The following RFX3 variants were observed in gnomAD, a reference collection of about 807,000 sequenced individuals.
RFX3 encodes transcription factor RFX3.
RFX3 carries 14 observed loss-of-function variants against 98.6 expected under a neutral mutation model. The observed-to-expected ratio is 0.14, with a 90% CI of 0.09 to 0.22. The LOEUF (loss-of-function observed/expected upper bound fraction) is 0.22. Among genes scored for constraint, RFX3 ranks in the 10% least tolerant of loss-of-function variants. The pLI, the probability that RFX3 is intolerant of heterozygous loss-of-function variation, is 1.00. For missense variants in RFX3, 639 were observed against 926.9 expected, an observed-to-expected ratio of 0.69 and a Z score of 4.03; for synonymous variants, 383 against 328.4, an observed-to-expected ratio of 1.17 and a Z score of -1.80.
intron 12 of RFX3, among the ~76,000 whole-genome samples, chr9:3,265,810 G>C (rs372356615): frequency 1.1e-3 from 172 of 152,142 alleles, no homozygotes; most frequent in Middle Eastern, 0.01. Context: ...GATAAGTATA[G>C]CAGGAAATTT....
At chr9:3,495,493 T>G (rs923740443) in intron 1 of RFX3, among the ~76,000 whole-genome samples, 4 of 152,110 alleles carry the variant, frequency 2.6e-5, no homozygotes, top group African/African-American at 9.7e-5. Context: ...AGTATTTAAT[T>G]CTTTAAAATG....
Position 3,221,927 on chromosome 9 carries a change from G to C in RFX3, c.*3115C>G, listed in dbSNP as rs114311303. 320 of 152,176 alleles carry C rather than the reference G, an allele frequency of 2.1e-3. 1 individual carries two copies. Among genetic ancestry groups the C allele is most frequent in the African/African-American group, 7.2e-3 (301 of 41,532 alleles). The allele number at this position is 152,176 out of a possible 1,614,324, so 9.4% of individuals were successfully genotyped here. On this transcript the variant is annotated 3_prime_UTR_variant, in exon 17 of 17. Coordinates refer to ENST00000617270, the MANE Select transcript of RFX3 (RefSeq NM_001282116.2). ...TCATGACTAGTGATTGGTTATAATT[G>C]CAAGAAATACAAAGAAGTCTTAAAA...
chr9:3,264,657 GA>G (rs1823379701), intron 12 of RFX3, among the ~76,000 whole-genome samples: 1 of 152,176 alleles, frequency 6.6e-6, no homozygotes, highest in Non-Finnish European at 1.5e-5. Context: ...AGGCTGCAAA[GA>G]AACTTCATTA....
chr9:3,379,921 T>C lies in RFX3; in HGVS notation c.117+15551A>G, dbSNP rs1030479124. On this transcript the variant is annotated intron_variant, in intron 2 of 16. Transcript: ENST00000617270. ...ATTTATTTATTTATTTATTTATTTA[T>C]TTACTTTAATTTTTTTTATTTTTGA... 6.4e-4 allele frequency among the ~76,000 whole-genome samples: 80 copies of C among 125,946 alleles called. 1 individual carries two copies. The highest frequency in any genetic ancestry group is 2.9e-3 in the Admixed American group (35 of 12,184). The allele number at this position is 125,946 out of a possible 152,430, so 82.6% of individuals were successfully genotyped here.
At chr9:3,237,789 G>C (rs892953822) in intron 15 of RFX3, among the ~76,000 whole-genome samples, 68 of 152,290 alleles carry the variant, frequency 4.5e-4, no homozygotes, top group African/African-American at 1.6e-3. Context: ...GGGAAATATA[G>C]AATTTAAATA....
intron 3 of RFX3, among the ~76,000 whole-genome samples, chr9:3,337,239 C>T (rs1397055994): frequency 6.6e-6 from 1 of 152,032 alleles, no homozygotes; most frequent in African/African-American, 2.4e-5. Context: ...GAAATAGATA[C>T]AATAATAAGA....
chr9:3,358,987 T>G (rs979965548), intron 2 of RFX3, among the ~76,000 whole-genome samples: 4 of 151,338 alleles, frequency 2.6e-5, no homozygotes, highest in Non-Finnish European at 2.9e-5. Flanking sequence ...CCTTGACACA[T>G]GGGGATTATT....
chr9:3,449,143 G>C, intron 1 of RFX3, among the ~76,000 whole-genome samples: 1 of 152,068 alleles, frequency 6.6e-6, no homozygotes, highest in Admixed American at 6.6e-5. Context: ...TCAAAGAATA[G>C]AGGTAAGAAT....
intron 1 of RFX3, among the ~76,000 whole-genome samples, chr9:3,491,666 T>C (rs1396031202): frequency 6.6e-6 from 1 of 152,206 alleles, no homozygotes; most frequent in Non-Finnish European, 1.5e-5. Flanking sequence ...TATCTTTCAC[T>C]GTTTCATATC....
At chr9:3,244,851 C>A (rs916787211) in intron 15 of RFX3, among the ~76,000 whole-genome samples, 1 of 152,180 alleles carries the variant, frequency 6.6e-6, no homozygotes, top group African/African-American at 2.4e-5. Flanking sequence ...AATCTAAGCT[C>A]CTCGAAGGCT....
intron 1 of RFX3, among the ~76,000 whole-genome samples, chr9:3,434,911 G>A (rs1231408167): frequency 1.3e-5 from 2 of 151,954 alleles, no homozygotes; most frequent in African/African-American, 4.8e-5. Flanking sequence ...ATATGCTATA[G>A]CCTATTGCTC....
At chr9:3,514,538 C>G (rs534502793) in intron 1 of RFX3, among the ~76,000 whole-genome samples, 1 of 152,242 alleles carries the variant, frequency 6.6e-6, no homozygotes, top group Admixed American at 6.5e-5. Flanking sequence ...CCAGCCTCCA[C>G]CTCGAGGGCT....
rs1404916900 is a variant in RFX3, at chr9:3,309,943, AG to A, written c.475-8324del. On this transcript the variant is annotated intron_variant, in intron 4 of 16. Coordinates refer to ENST00000617270, the MANE Select transcript of RFX3 (RefSeq NM_001282116.2). Reference sequence around the variant, plus strand: ...CCAGACCTGGAAAGACTGAAGGTGGAGGATCACTGGCAGAATAAAAGGACAG... The same window carrying A: ...CCAGACCTGGAAAGACTGAAGGTGGAGATCACTGGCAGAATAAAAGGACAG... Among the ~76,000 whole-genome samples the A allele has an allele frequency of 9.8e-5, 15 of 152,308 alleles. No homozygotes were observed. In the South Asian group the frequency reaches 3.1e-3, roughly 32 times the overall value.
intron 1 of RFX3, among the ~76,000 whole-genome samples, chr9:3,456,497 T>C (rs564598506): frequency 6.6e-6 from 1 of 152,338 alleles, no homozygotes; most frequent in East Asian, 1.9e-4. Context: ...GCAAATGTGA[T>C]GTGCCTGTTT....
chr9:3,235,838 C>T (rs911081795), intron 15 of RFX3, among the ~76,000 whole-genome samples: 1 of 152,102 alleles, frequency 6.6e-6, no homozygotes, highest in Non-Finnish European at 1.5e-5. Context: ...CCAGGATAAT[C>T]TCCCCATTTA....
At chr9:3,335,691 A>G (rs376415798) in intron 3 of RFX3, among the ~76,000 whole-genome samples, 1 of 152,322 alleles carries the variant, frequency 6.6e-6, no homozygotes, top group South Asian at 2.1e-4. Flanking sequence ...GCAGAAGAGA[A>G]ATCTTTCCAT....
intron 1 of RFX3, among the ~76,000 whole-genome samples, chr9:3,431,231 T>A (rs1052133475): frequency 6.6e-6 from 1 of 152,176 alleles, no homozygotes; most frequent in Non-Finnish European, 1.5e-5. Flanking sequence ...AGTTCTCACG[T>A]ATTTTTCATC....
intron 7 of RFX3, among the ~76,000 whole-genome samples, chr9:3,280,758 G>C (rs369856068): frequency 1.1e-4 from 17 of 151,708 alleles, no homozygotes; most frequent in African/African-American, 3.4e-4. Flanking sequence ...AAATATTTGA[G>C]AATGGAGCTT....
intron 1 of RFX3, among the ~76,000 whole-genome samples, chr9:3,449,844 G>A (rs1471561484): frequency 5.3e-5 from 8 of 150,686 alleles, no homozygotes; most frequent in Middle Eastern, 6.8e-3. Flanking sequence ...CTCCAGCCTG[G>A]GCAACTGAGC....
Sources: allele counts gnomAD v4.1 joint callset (sites outside exome capture counted in the v4.1 genomes callset), GRCh38; gene constraint gnomAD v4.1.1; transcripts MANE v1.5; gene names NCBI Gene and HGNC (gene_info 2026-07-23, HGNC 2026-07-21).